FRMPD4: variants seen among roughly 807,000 people sequenced by gnomAD.
FRMPD4 encodes the protein FERM and PDZ domain containing 4.
FRMPD4 carries 22 observed loss-of-function variants against 94.1 expected under a neutral mutation model. The observed-to-expected ratio is 0.23, with a 90% CI of 0.17 to 0.33. FRMPD4 has a LOEUF of 0.33. FRMPD4 is among the 10% of genes least tolerant of loss of function. The probability of loss-of-function intolerance (pLI) is 1.00; values close to 1 mark genes in which losing one functional copy is unlikely to be tolerated. For synonymous variants in FRMPD4, 631 were observed against 548.6 expected, an observed-to-expected ratio of 1.15 and a Z score of -2.10; for missense variants, 1,111 against 1,339.9, an observed-to-expected ratio of 0.83 and a Z score of 2.67.
At chrX:11,902,948 G>A (rs2053946299) in intron 3 of FRMPD4, among the ~76,000 whole-genome samples, 1 of 111,871 alleles carries the variant, frequency 8.9e-6, no homozygotes, top group African/African-American at 3.3e-5. Context: ...GAGATGTGTA[G>A]ATTGTGGATA....
At chrX:12,646,316 G>A (rs1265054870) in intron 4 of FRMPD4, among the ~76,000 whole-genome samples, 2 of 112,069 alleles carry the variant, frequency 1.8e-5, no homozygotes, top group East Asian at 5.5e-4. Flanking sequence ...TGCAGGGTTA[G>A]TGTGCCCCAA....
Position 12,484,447 on chromosome X carries a change from A to G in FRMPD4, c.42-14233A>G, listed in dbSNP as rs929347294. Reference sequence around the variant, plus strand: ...CCAAGGATTGGTTGTGCTAATATCAAGTTATTTTATGGCTGCAGTTCATTA... The same window carrying G: ...CCAAGGATTGGTTGTGCTAATATCAGGTTATTTTATGGCTGCAGTTCATTA... On this transcript the variant is annotated intron_variant, in intron 1 of 16. Coordinates refer to ENST00000675598, the MANE Select transcript of FRMPD4 (RefSeq NM_001368397.1). 3.6e-5 allele frequency among the ~76,000 whole-genome samples: 4 copies of G among 112,373 alleles called. No homozygotes were observed. The East Asian group carries it at 8.4e-4, about 24-fold the overall frequency.
intron 3 of FRMPD4, among the ~76,000 whole-genome samples, chrX:12,611,001 G>A (rs1405561923): frequency 2.7e-5 from 3 of 111,713 alleles, no homozygotes; most frequent in African/African-American, 9.8e-5. Flanking sequence ...AGCAGATGCT[G>A]ACTAATACAG....
intron 3 of FRMPD4, among the ~76,000 whole-genome samples, chrX:11,902,288 A>AT (rs1007926686): frequency 1.7e-4 from 19 of 111,108 alleles, no homozygotes; most frequent in South Asian, 3.8e-4. Flanking sequence ...AACAGCAGAC[A>AT]TTTTTTTTTC....
intron 1 of FRMPD4, among the ~76,000 whole-genome samples, chrX:11,851,950 C>CAA (rs201359187): frequency 1.7e-4 from 12 of 69,028 alleles, no homozygotes; most frequent in East Asian, 9.2e-4. Flanking sequence ...AAATATTATA[C>CAA]AAAAAAAAAA....
At chrX:12,077,293 A>G (rs2055027764) in intron 3 of FRMPD4, among the ~76,000 whole-genome samples, 1 of 111,759 alleles carries the variant, frequency 8.9e-6, no homozygotes, top group African/African-American at 3.3e-5. Flanking sequence ...TTGTCTTCCC[A>G]GTAGGTAGCA....
At chrX:12,642,864 T>C (rs1298799358) in intron 4 of FRMPD4, among the ~76,000 whole-genome samples, 1 of 112,147 alleles carries the variant, frequency 8.9e-6, no homozygotes, top group Non-Finnish European at 1.9e-5. Context: ...GGTAGTGCCA[T>C]TTAACTCTGG....
intron 3 of FRMPD4, among the ~76,000 whole-genome samples, chrX:11,928,330 C>A (rs978681074): frequency 1.8e-5 from 2 of 111,898 alleles, no homozygotes; most frequent in Non-Finnish European, 3.8e-5. Context: ...AAAATGATGG[C>A]TGAAAGGGAA....
In FRMPD4 at chrX:12,720,810, T is replaced by C. The variant is rs1450987324; in HGVS notation, c.4241T>C (p.Leu1414Ser). ...AGTATCCTCTCCGGATCTGTCGATT[T>C]GGAGACCTTCCGAGAGAGAACCAAG... ...SSSILSGSVDLETFRERTKGA... is the reference protein window; with the variant it reads ...SSSILSGSVDSETFRERTKGA... The change falls in exon 17 of 17, where the codon TTG (leucine) becomes TCG (serine). Residue 1414 changes from leucine (L) to serine (S), a missense_variant. By Grantham distance (145) the Leu-to-Ser change is moderately radical. This residue lies in a region of FRMPD4 where 551 missense variants were observed against 591.6 expected (regional missense o/e 0.93). Coordinates refer to ENST00000675598, the MANE Select transcript of FRMPD4 (RefSeq NM_001368397.1). The C allele has an allele frequency of 1.0e-6, 1 of 974,804 alleles. No homozygotes were observed. The highest frequency in any genetic ancestry group is 1.3e-6 in the Non-Finnish European group (1 of 776,976). The allele number at this position is 974,804 out of a possible 1,213,427, so 80.3% of individuals were successfully genotyped here. A position where few individuals can be genotyped will look rare whatever the true frequency, so the allele number is the denominator to read the frequency against.
chrX:12,611,645 C>T (rs2059185009), intron 3 of FRMPD4, among the ~76,000 whole-genome samples: 1 of 112,363 alleles, frequency 8.9e-6, no homozygotes, highest in South Asian at 3.7e-4. Context: ...CAAGTAGCGT[C>T]CTGGTATAGA....
intron 1 of FRMPD4, among the ~76,000 whole-genome samples, chrX:12,157,786 G>A (rs966639484): frequency 6.2e-5 from 7 of 112,552 alleles, no homozygotes; most frequent in Non-Finnish European, 1.3e-4. Flanking sequence ...TAGCCCTGGC[G>A]ATGGCCATAG....
intron 3 of FRMPD4, among the ~76,000 whole-genome samples, chrX:11,975,070 G>T (rs2054360092): frequency 9.0e-6 from 1 of 111,722 alleles, no homozygotes; most frequent in Admixed American, 9.5e-5. Context: ...AAGGCTGTTG[G>T]CCTGGGATGC....
intron 1 of FRMPD4, among the ~76,000 whole-genome samples, chrX:12,198,517 C>T (rs2056592389): frequency 8.9e-6 from 1 of 112,044 alleles, no homozygotes; most frequent in Non-Finnish European, 1.9e-5. Flanking sequence ...TACCCAGCTC[C>T]CAGGTAATAC....
intron 8 of FRMPD4, among the ~76,000 whole-genome samples, chrX:12,691,589 T>A (rs1669335663): frequency 8.9e-6 from 1 of 111,809 alleles, no homozygotes; most frequent in Non-Finnish European, 1.9e-5. Context: ...ACAGAATCTC[T>A]CATGTGAAAG....
At chrX:12,006,825 C>T (rs1457521784) in intron 3 of FRMPD4, among the ~76,000 whole-genome samples, 1 of 111,662 alleles carries the variant, frequency 9.0e-6, no homozygotes, top group Non-Finnish European at 1.9e-5. Context: ...GTCTGTGGTC[C>T]GAAACTAGAG....
chrX:11,963,839 G>C (rs968408527), intron 3 of FRMPD4, among the ~76,000 whole-genome samples: 1 of 111,483 alleles, frequency 9.0e-6, no homozygotes, highest in African/African-American at 3.3e-5. Context: ...GAAATTTGGG[G>C]GTAGGGGATT....
intron 3 of FRMPD4, among the ~76,000 whole-genome samples, chrX:12,073,123 G>A (rs977820215): frequency 1.3e-4 from 14 of 110,544 alleles, no homozygotes; most frequent in African/African-American, 3.3e-4. Context: ...ATAAATATAC[G>A]GCAGTTTATT....
chrX:11,987,097 T>TCAAAAAAAAA (rs1569137639), intron 3 of FRMPD4, among the ~76,000 whole-genome samples: 11 of 14,649 alleles, frequency 7.5e-4, no homozygotes, highest in African/African-American at 4.8e-3. Context: ...CAAAGACACA[T>TCAAAAAAAAA]TAAAAAAAAA....
At chrX:12,065,690 A>G (rs923143678) in intron 3 of FRMPD4, among the ~76,000 whole-genome samples, 1 of 112,216 alleles carries the variant, frequency 8.9e-6, no homozygotes, top group Non-Finnish European at 1.9e-5. Context: ...ATTTCGAACA[A>G]AGTATTCCCT....
Sources: gnomAD v4.1 joint callset for allele counts (sites outside exome capture counted in the v4.1 genomes callset) on GRCh38, gnomAD v4.1.1 for gene constraint, gnomAD v4.1.1 regional missense constraint, MANE v1.5 for transcripts, NCBI Gene and HGNC (gene_info 2026-07-23, HGNC 2026-07-21) for gene names.